The following SMURF1 variants were observed in gnomAD, a reference collection of about 807,000 sequenced individuals.
The protein encoded by SMURF1 is SMAD specific E3 ubiquitin protein ligase 1, also known as E3 ubiquitin-protein ligase SMURF1.
Under a neutral mutation model 98.0 loss-of-function variants are expected in SMURF1, and 44 were observed. That is an observed-to-expected ratio of 0.45 (90% confidence interval 0.35 to 0.58). The LOEUF (loss-of-function observed/expected upper bound fraction) is 0.58. SMURF1 is among the 20% of genes least tolerant of loss of function. The probability of loss-of-function intolerance (pLI) is 0.00; values close to 1 mark genes in which losing one functional copy is unlikely to be tolerated. For missense variants in SMURF1, 687 were observed against 938.4 expected (o/e 0.73, Z 3.50); for synonymous variants, 396 against 374.9 (o/e 1.06, Z -0.65).
chr7:99,106,475 G>A (rs572559423), intron 1 of SMURF1, among the ~76,000 whole-genome samples: 9 of 152,270 alleles, frequency 5.9e-5, no homozygotes, highest in African/African-American at 1.7e-4. Context: ...AATTTTTTGG[G>A]AAACTATTTA....
chr7:99,066,657 A>T (rs184341619), intron 1 of SMURF1, among the ~76,000 whole-genome samples: 7 of 152,096 alleles, frequency 4.6e-5, no homozygotes, highest in Non-Finnish European at 1.0e-4. Flanking sequence ...AGGCGACTGT[A>T]GTCCCAGCTA....
chr7:99,142,341 T>C (rs1441502722), intron 1 of SMURF1, among the ~76,000 whole-genome samples: 1 of 151,918 alleles, frequency 6.6e-6, no homozygotes, highest in Non-Finnish European at 1.5e-5. Context: ...GTGGGGGTGA[T>C]GGTGAAACAA....
intron 1 of SMURF1, among the ~76,000 whole-genome samples, chr7:99,127,987 C>A (rs915128327): frequency 6.6e-6 from 1 of 152,164 alleles, no homozygotes; most frequent in East Asian, 1.9e-4. Context: ...GTTCCATTTT[C>A]TAAACCAAAA....
chr7:99,118,850 T>C (rs190322801), intron 1 of SMURF1, among the ~76,000 whole-genome samples: 1 of 152,054 alleles, frequency 6.6e-6, no homozygotes, highest in African/African-American at 2.4e-5. Flanking sequence ...ATCTCTAAGA[T>C]AGTTCCTATT....
intron 1 of SMURF1, among the ~76,000 whole-genome samples, chr7:99,071,249 G>A (rs1796312594): frequency 6.6e-6 from 1 of 152,000 alleles, no homozygotes; most frequent in Non-Finnish European, 1.5e-5. Context: ...TAGTAGAGAC[G>A]AGGTTTCGCC....
intron 1 of SMURF1, among the ~76,000 whole-genome samples, chr7:99,141,901 G>C (rs1339741675): frequency 6.6e-6 from 1 of 152,216 alleles, no homozygotes; most frequent in East Asian, 1.9e-4. Context: ...GAAAAATCCA[G>C]GGGAAAATCC....
intron 1 of SMURF1, among the ~76,000 whole-genome samples, chr7:99,141,877 T>G (rs1798125527): frequency 6.6e-6 from 1 of 152,228 alleles, no homozygotes; most frequent in Non-Finnish European, 1.5e-5. Flanking sequence ...CTCACCCGAC[T>G]GAGCCACTGA....
chr7:99,130,732 GTA>G (rs1312534855), intron 1 of SMURF1, among the ~76,000 whole-genome samples: 1 of 152,106 alleles, frequency 6.6e-6, no homozygotes, highest in Non-Finnish European at 1.5e-5. Flanking sequence ...AAAACAATCG[GTA>G]TCATCTAGTT....
intron 1 of SMURF1, among the ~76,000 whole-genome samples, chr7:99,128,046 C>T (rs1317542900): frequency 6.6e-6 from 1 of 151,958 alleles, no homozygotes; most frequent in Non-Finnish European, 1.5e-5. Context: ...CAGATGAACC[C>T]TATGCAAAAT....
chr7:99,040,333 G>A (rs960311404), intron 13 of SMURF1, 45 bp downstream of exon 13: 3 of 1,421,710 alleles, frequency 2.1e-6, no homozygotes. Context: ...GATAGACGTG[G>A]TGGTGGGCCC....
At chr7:99,122,741 CTTTCTTT>C (rs1355166506) in intron 1 of SMURF1, among the ~76,000 whole-genome samples, 7 of 100,856 alleles carry the variant, frequency 6.9e-5, no homozygotes, top group Non-Finnish European at 1.2e-4. Flanking sequence ...TTTTTTCTTT[CTTTCTTT>C]TTTTTTTTTT....
At chr7:99,092,805 C>T (rs1253297669) in intron 1 of SMURF1, among the ~76,000 whole-genome samples, 1 of 152,172 alleles carries the variant, frequency 6.6e-6, no homozygotes, top group Non-Finnish European at 1.5e-5. Flanking sequence ...AACAGAAGCA[C>T]ACATAAAACA....
In SMURF1 at chr7:99,028,806, G is replaced by A. The variant is rs977834336; in HGVS notation, c.*1778C>T. ...CCGCGGGTTAGGCTCGTGATAGAGA[G>A]TGGGCTGTCCGGGGGAGGTCTGTAG... On this transcript the variant is annotated 3_prime_UTR_variant, in exon 18 of 18. Transcript: ENST00000361368. The A allele has an allele frequency of 1.3e-5, 2 of 152,238 alleles. No homozygotes were observed. Among genetic ancestry groups the A allele is most frequent in the East Asian group, 1.9e-4 (1 of 5,184 alleles). The allele number at this position is 152,238 out of a possible 1,614,324, so 9.4% of individuals were successfully genotyped here.
intron 10 of SMURF1, 53 bp from the exon 11 acceptor site, chr7:99,045,854 T>G: frequency 7.0e-7 from 1 of 1,423,298 alleles, no homozygotes. Context: ...TTCTTAAAGT[T>G]ATGAAAGGTC....
At chr7:99,133,704 T>C (rs538480796) in intron 1 of SMURF1, among the ~76,000 whole-genome samples, 29 of 152,146 alleles carry the variant, frequency 1.9e-4, no homozygotes, top group East Asian at 3.9e-4. Flanking sequence ...AAAAGACATA[T>C]ACCTGAAAAT....
intron 1 of SMURF1, among the ~76,000 whole-genome samples, chr7:99,139,733 A>T (rs1312168715): frequency 6.6e-6 from 1 of 152,214 alleles, no homozygotes; most frequent in Non-Finnish European, 1.5e-5. Flanking sequence ...AAACCTACTG[A>T]AACCATTTAA....
chr7:99,067,451 C>A (rs117719122), intron 1 of SMURF1, among the ~76,000 whole-genome samples: 5,275 of 152,228 alleles, frequency 0.035, 125 homozygotes, highest in Middle Eastern at 0.082. Context: ...TGAAGCACCC[C>A]TCTACCTTAG....
At chr7:99,060,101 G>A (rs1437132429) in intron 3 of SMURF1, among the ~76,000 whole-genome samples, 3 of 152,010 alleles carry the variant, frequency 2.0e-5, no homozygotes, top group East Asian at 1.9e-4. Flanking sequence ...AATGCAGTCG[G>A]GCGCAGTGGC....
chr7:99,117,113 AG>A lies in SMURF1; in HGVS notation c.55+26612del, dbSNP rs544754439. Reference sequence around the variant, plus strand: ...CAATGGGGGAAAAGTCTTTTTCAACAGTCTTTTCAACAAATGGTGCAGGAAC... The same window carrying A: ...CAATGGGGGAAAAGTCTTTTTCAACATCTTTTCAACAAATGGTGCAGGAAC... On this transcript the variant is annotated intron_variant, in intron 1 of 17. Transcript: ENST00000361368. Among the ~76,000 whole-genome samples the A allele has an allele frequency of 4.9e-4, 75 of 152,276 alleles. 1 individual carries two copies. The highest frequency in any genetic ancestry group is 1.7e-3 in the African/African-American group (70 of 41,560).
Sources: gnomAD v4.1 joint callset for allele counts (sites outside exome capture counted in the v4.1 genomes callset) on GRCh38, gnomAD v4.1.1 for gene constraint, MANE v1.5 for transcripts, NCBI Gene and HGNC (gene_info 2026-07-23, HGNC 2026-07-21) for gene names.